The following SCAI variants were observed in gnomAD, a reference collection of about 807,000 sequenced individuals.
The protein encoded by SCAI is suppressor of cancer cell invasion, also known as protein SCAI.
SCAI carries 24 observed loss-of-function variants against 92.2 expected under a neutral mutation model. The observed-to-expected ratio is 0.26, with a 90% CI of 0.19 to 0.37. The LOEUF (loss-of-function observed/expected upper bound fraction) is 0.37, where lower values mean the gene tolerates loss of function less well. Ranked by LOEUF, SCAI falls within the 10% of genes least tolerant of loss-of-function variation. The pLI is 1.00. For synonymous variants in SCAI, 261 were observed against 258.6 expected (o/e 1.01, Z -0.09); for missense variants, 450 against 736.2 (o/e 0.61, Z 4.50).
chr9:124,954,719 C>A (rs917768586), intron 17 of SCAI, among the ~76,000 whole-genome samples: 5 of 152,082 alleles, frequency 3.3e-5, no homozygotes, highest in African/African-American at 1.2e-4. Context: ...ATTTCGTCAC[C>A]CCCAAAAGAA....
At chr9:125,094,683 A>G (rs1834509348) in intron 2 of SCAI, among the ~76,000 whole-genome samples, 1 of 151,950 alleles carries the variant, frequency 6.6e-6, no homozygotes, top group Non-Finnish European at 1.5e-5. Flanking sequence ...TGTGTTTTCT[A>G]TAGAGACAGG....
chr9:125,091,991 G>A lies in SCAI; in HGVS notation c.99-35984C>T, dbSNP rs989910928. Among the ~76,000 whole-genome samples, 2 of 151,728 alleles carry A rather than the reference G, an allele frequency of 1.3e-5. No homozygotes were observed. Among genetic ancestry groups the A allele is most frequent in the East Asian group, 1.9e-4 (1 of 5,188 alleles). On this transcript the variant is annotated intron_variant, in intron 2 of 17. Transcript: ENST00000336505. This position sits in a 1 kb window ranked among gnomAD's most constrained non-coding sequence, Gnocchi z 4.3. ...ATAAAAATAAAAAAATTAGCCAGGC[G>A]TGGTGGTGGGCGCCTGTAGTCCCAG...
At chr9:125,104,820 T>C (rs887555246) in intron 2 of SCAI, among the ~76,000 whole-genome samples, 1 of 152,076 alleles carries the variant, frequency 6.6e-6, no homozygotes, top group African/African-American at 2.4e-5. Flanking sequence ...TAGCCAGGCA[T>C]GGCAGTGGGC....
At chr9:125,005,494 G>C (rs1161429763) in intron 9 of SCAI, among the ~76,000 whole-genome samples, 1 of 152,086 alleles carries the variant, frequency 6.6e-6, no homozygotes, top group Admixed American at 6.5e-5. Context: ...ACCATGCCCA[G>C]CTAATTTTGT....
intron 2 of SCAI, among the ~76,000 whole-genome samples, chr9:125,064,502 C>T (rs1833838829): frequency 6.6e-6 from 1 of 151,998 alleles, no homozygotes; most frequent in Non-Finnish European, 1.5e-5. Context: ...TACAGTATAC[C>T]TTCTGACCAC....
intron 2 of SCAI, among the ~76,000 whole-genome samples, chr9:125,099,364 T>C (rs1295918357): frequency 6.6e-6 from 1 of 152,092 alleles, no homozygotes; most frequent in Non-Finnish European, 1.5e-5. Context: ...CTCAGTTCAC[T>C]GCAACCTCCG....
At chr9:125,092,131 TAAA>T (rs71374225) in intron 2 of SCAI, among the ~76,000 whole-genome samples, 1 of 61,144 alleles carries the variant, frequency 1.6e-5, no homozygotes, top group African/African-American at 6.1e-5. Context: ...CTCCGTCTCT[TAAA>T]AAAAAAAAAA....
chr9:125,038,622 C>A (rs1332617971), intron 3 of SCAI, among the ~76,000 whole-genome samples: 3 of 152,310 alleles, frequency 2.0e-5, no homozygotes, highest in East Asian at 1.9e-4. Context: ...AATTCTCCAT[C>A]AAAAATATTG....
intron 17 of SCAI, among the ~76,000 whole-genome samples, chr9:124,954,186 G>A (rs1021005275): frequency 1.3e-5 from 2 of 152,130 alleles, no homozygotes; most frequent in African/African-American, 4.8e-5. Flanking sequence ...TGAAAAAGCA[G>A]ACAGAAAATC....
At chr9:124,965,853 C>A (rs1831528687) in intron 17 of SCAI, among the ~76,000 whole-genome samples, 1 of 152,156 alleles carries the variant, frequency 6.6e-6, no homozygotes, top group African/African-American at 2.4e-5. Flanking sequence ...TGGTGTTATG[C>A]AAGGTTTACT....
chr9:124,993,863 C>A (rs1363464647), intron 14 of SCAI, among the ~76,000 whole-genome samples: 1 of 152,098 alleles, frequency 6.6e-6, no homozygotes, highest in Non-Finnish European at 1.5e-5. Context: ...ACACCCACAA[C>A]AGAAACAGTT....
intron 2 of SCAI, among the ~76,000 whole-genome samples, chr9:125,063,744 T>C (rs947018868): frequency 9.4e-5 from 14 of 149,518 alleles, no homozygotes; most frequent in African/African-American, 3.4e-4. Context: ...GGTCAATATA[T>C]CCCTTTTATC....
chr9:125,033,529 T>C (rs774838685), intron 3 of SCAI, among the ~76,000 whole-genome samples: 53 of 152,096 alleles, frequency 3.5e-4, no homozygotes, highest in Non-Finnish European at 6.3e-4. Flanking sequence ...GTTTATACAG[T>C]TCAAGAGCAT....
At chr9:125,063,384 G>GA (rs57488794) in intron 2 of SCAI, among the ~76,000 whole-genome samples, 1,673 of 99,570 alleles carry the variant, frequency 0.017, 14 homozygotes, top group Non-Finnish European at 0.025. Flanking sequence ...CTCAAAGGAG[G>GA]AAAAAAAAAA....
chr9:125,131,566 A>G (rs1448580747), intron 2 of SCAI, among the ~76,000 whole-genome samples: 1 of 152,148 alleles, frequency 6.6e-6, no homozygotes, highest in Non-Finnish European at 1.5e-5. Flanking sequence ...CTCTTTTTGA[A>G]TGCCCTTGAA....
At chr9:125,067,554 G>A (rs548789135) in intron 2 of SCAI, among the ~76,000 whole-genome samples, 4 of 152,286 alleles carry the variant, frequency 2.6e-5, no homozygotes, top group African/African-American at 9.6e-5. Context: ...GAGAGACCTG[G>A]AACAGATTTC....
intron 3 of SCAI, among the ~76,000 whole-genome samples, chr9:125,040,714 C>T (rs907343538): frequency 6.6e-6 from 1 of 152,080 alleles, no homozygotes; most frequent in Non-Finnish European, 1.5e-5. Flanking sequence ...GCAACCTCTG[C>T]CTCCTGGGTT....
In SCAI at chr9:124,943,349, C is replaced by T. The variant is rs1014451174; in HGVS notation, c.*9458G>A. 3.9e-5 allele frequency: 6 copies of T among 152,162 alleles called. No homozygotes were observed. The highest frequency in any genetic ancestry group is 1.4e-4 in the African/African-American group (6 of 41,416). 9.4% of individuals were successfully genotyped at this position (152,162 alleles called of 1,614,324 possible). A position where few individuals can be genotyped will look rare whatever the true frequency, so the allele number is the denominator to read the frequency against. ...GATTTTTTTCTAAAGTATTAACTCA[C>T]AATATCCAAATATTAATACAAATGA... On this transcript the variant is annotated 3_prime_UTR_variant, in exon 18 of 18. Coordinates refer to ENST00000336505, the MANE Select transcript of SCAI (RefSeq NM_001144877.3).
At chr9:125,041,637 G>A (rs1319653061) in intron 3 of SCAI, among the ~76,000 whole-genome samples, 1 of 152,140 alleles carries the variant, frequency 6.6e-6, no homozygotes, top group African/African-American at 2.4e-5. Flanking sequence ...ACAGGACTTC[G>A]TACGCAGGCT....
Sources: allele counts gnomAD v4.1 joint callset (sites outside exome capture counted in the v4.1 genomes callset), GRCh38; gene constraint gnomAD v4.1.1; non-coding constraint Gnocchi (gnomAD v3.1); transcripts MANE v1.5; gene names NCBI Gene and HGNC (gene_info 2026-07-23, HGNC 2026-07-21).